The following NUAK2 variants were observed in gnomAD, a reference collection of about 807,000 sequenced individuals.
NUAK2 encodes NUAK family kinase 2.
NUAK2 carries 20 observed loss-of-function variants against 29.8 expected under a neutral mutation model. The observed-to-expected ratio is 0.67, with a 90% confidence interval of 0.47 to 0.98. The LOEUF (loss-of-function observed/expected upper bound fraction) is 0.98. Among genes scored for constraint, NUAK2 ranks in the 50% least tolerant of loss-of-function variants. The pLI, the probability that NUAK2 is intolerant of heterozygous loss-of-function variation, is 0.00. For missense variants in NUAK2, 719 were observed against 834.5 expected (o/e 0.86, Z 1.71); for synonymous variants, 331 against 342.6 (o/e 0.97, Z 0.37).
In NUAK2 at chr1:205,302,377, G is replaced by C. The variant is rs1329822214; in HGVS notation, c.*1073C>G. On this transcript the variant is annotated 3_prime_UTR_variant, in exon 7 of 7. Transcript: ENST00000367157. The stretch of plus-strand genomic sequence containing the variant: ...GAACACATCCATAGTCTGGACTTTA[G>C]AGCAGCTTAGAGGCAGAAGTTCTGA... 6.6e-6 allele frequency: 1 copy of C among 152,638 alleles called. No individual in the cohort carries two copies. The highest frequency in any genetic ancestry group is 1.5e-5 in the Non-Finnish European group (1 of 68,072). The allele number at this position is 152,638 out of a possible 1,614,324, so 9.5% of individuals were successfully genotyped here. A position where few individuals can be genotyped will look rare whatever the true frequency, so the allele number is the denominator to read the frequency against.
intron 4 of NUAK2, among the ~76,000 whole-genome samples, chr1:205,307,849 C>A (rs947717377): frequency 4.6e-5 from 7 of 152,234 alleles, no homozygotes; most frequent in Non-Finnish European, 1.0e-4. Flanking sequence ...GACCTTAGAT[C>A]TAGACTCCTG....
At chr1:205,317,594 C>T (rs1452675691) in intron 1 of NUAK2, among the ~76,000 whole-genome samples, 1 of 152,204 alleles carries the variant, frequency 6.6e-6, no homozygotes, top group Non-Finnish European at 1.5e-5. Flanking sequence ...TGCCATCCTC[C>T]AGCCCCCTCT....
intron 4 of NUAK2, among the ~76,000 whole-genome samples, chr1:205,306,981 C>T (rs1662190561): frequency 6.6e-6 from 1 of 152,198 alleles, no homozygotes; most frequent in Non-Finnish European, 1.5e-5. Context: ...AACCTGGGGT[C>T]AGCCCAATAT....
rs571070763 is a variant in NUAK2, at chr1:205,304,229, G to A, written c.1108C>T (p.Arg370Cys). 17 of 1,614,188 alleles carry A rather than the reference G, an allele frequency of 1.1e-5. No homozygotes were observed. Among genetic ancestry groups the A allele is most frequent in the South Asian group, 9.9e-5 (9 of 91,088 alleles). The change falls in exon 7 of 7, where the codon CGC becomes TGC. Residue 370 changes from arginine (R) to cysteine (C), a missense_variant. Around this residue, in one of 3 missense-constraint regions of NUAK2, gnomAD observed 430 missense variants for 465.7 expected, o/e 0.92. Coordinates refer to ENST00000367157, the MANE Select transcript of NUAK2 (RefSeq NM_030952.3). The surrounding 1 kb of genome is among the most constrained non-coding windows in gnomAD (Gnocchi z 6.5). ...CGGGACTTCTTGAGCGAATGCTGGC[G>A]CTCCAGGCCAGGGGTGGTGCTTCCC... ...GGGSTTPGLE[R>C]QHSLKKSRKE...
Position 205,308,664 on chromosome 1 carries a change from T to C in NUAK2, c.421A>G (p.Ile141Val). Residue 141 changes from isoleucine (I) to valine (V), a missense_variant, in exon 3 of 7, where the codon ATC becomes GTC. By Grantham distance (29) the Ile-to-Val change is conservative. Transcript: ENST00000367157. The surrounding 1 kb of genome is among the most constrained non-coding windows in gnomAD (Gnocchi z 4.1). Reference protein sequence around the residue: ...YASRGDLYDYISERQQLSERE... With the variant: ...YASRGDLYDYVSERQQLSERE... ...TCACTGAGCTGCTGCCGCTCGCTGATGTAGTCATAAAGGTCGCCCCGGCTG... is the reference window on the plus strand; with the variant it reads ...TCACTGAGCTGCTGCCGCTCGCTGACGTAGTCATAAAGGTCGCCCCGGCTG... 6.2e-7 allele frequency: 1 copy of C among 1,614,102 alleles called. No individual in the cohort carries two copies.
intron 1 of NUAK2, 143 bp from the exon 2 acceptor site, chr1:205,311,968 T>C (rs1662263937): frequency 2.8e-6 from 3 of 1,065,150 alleles, no homozygotes. Flanking sequence ...CCAGTGTAGG[T>C]GGCAGAGAGG....
Position 205,311,738 on chromosome 1 carries a change from G to C in NUAK2, c.319C>G (p.Leu107Val). ...ATGGCAATGATGTGAGGGTGGTTGA[G>C]TGATGACATGATCTCAATCTCCCTC... ...IRREIEIMSSLNHPHIIAIHE... is the reference protein window; with the variant it reads ...IRREIEIMSSVNHPHIIAIHE... The change falls in exon 2 of 7, where the codon CTC becomes GTC. Residue 107 changes from leucine to valine, a missense_variant. Physicochemically the swap from Leu to Val is conservative, Grantham distance 32. This residue lies in a region of NUAK2 where 283 missense variants were observed against 345.6 expected (regional missense o/e 0.82). Transcript: ENST00000367157. The C allele has an allele frequency of 6.2e-7, 1 of 1,614,202 alleles. No homozygotes were observed.
Position 205,304,239 on chromosome 1 carries a change from A to C in NUAK2, c.1098T>G (p.Pro366=). 2 of 1,614,158 alleles carry C rather than the reference A, an allele frequency of 1.2e-6. No individual in the cohort carries two copies. Among genetic ancestry groups the C allele is most frequent in the Non-Finnish European group, 1.7e-6 (2 of 1,180,028 alleles). ...QHAPGGGSTT[P]GLERQHSLKK... The stretch of plus-strand genomic sequence containing the variant: ...TGAGCGAATGCTGGCGCTCCAGGCC[A>C]GGGGTGGTGCTTCCCCCACCAGGTG... Residue 366 remains proline (P), a synonymous_variant, in exon 7 of 7, where the codon CCT becomes CCG. Coordinates refer to ENST00000367157, the MANE Select transcript of NUAK2 (RefSeq NM_030952.3). This position sits in a 1 kb window ranked among gnomAD's most constrained non-coding sequence, Gnocchi z 6.5.
chr1:205,314,893 G>T (rs1662305414), intron 1 of NUAK2, among the ~76,000 whole-genome samples: 2 of 152,102 alleles, frequency 1.3e-5, no homozygotes, highest in South Asian at 4.1e-4. Context: ...TAAAATAAAT[G>T]AGGTTCCAAA....
At chr1:205,312,333 C>T (rs1378026131) in intron 1 of NUAK2, among the ~76,000 whole-genome samples, 1 of 152,120 alleles carries the variant, frequency 6.6e-6, no homozygotes, top group Non-Finnish European at 1.5e-5. Context: ...GAAACTGGGA[C>T]CCAGAGAGGT....
At chr1:205,306,721 C>G (rs984223114) in intron 4 of NUAK2, among the ~76,000 whole-genome samples, 5 of 152,194 alleles carry the variant, frequency 3.3e-5, no homozygotes, top group African/African-American at 1.2e-4. Flanking sequence ...CACTCCCATG[C>G]TGACCTCCTT....
Position 205,321,602 on chromosome 1 carries a change from G to A in NUAK2, c.27C>T (p.Arg9=), listed in dbSNP as rs372039606. 32 of 1,611,588 alleles carry A rather than the reference G, an allele frequency of 2.0e-5. No homozygotes were observed. The African/African-American group carries it at 3.6e-4, about 18-fold the overall frequency. MESLVFAR[R]SGPTPSAAEL... ...CTGCGGCCGAGGGAGTGGGGCCGGA[G>A]CGCCGCGCGAAAACCAGCGACTCCA... Residue 9 remains arginine, a synonymous_variant, in exon 1 of 7, where the codon CGC becomes CGT. Transcript: ENST00000367157.
Position 205,308,594 on chromosome 1 carries a change from T to A in NUAK2, c.491A>T (p.His164Leu), listed in dbSNP as rs756261319. The change falls in exon 3 of 7, where the codon CAC becomes CTC. Residue 164 changes from histidine to leucine, a missense_variant. His to Leu is a moderately conservative substitution (Grantham distance 99). Transcript: ENST00000367157. This position sits in a 1 kb window ranked among gnomAD's most constrained non-coding sequence, Gnocchi z 4.1. ...HFFRQIVSAV[H>L]YCHQNRVVHR... ...GTAGGTGCTCACCTGATGGCAATAG[T>A]GCACGGCAGAGACGATCTGCCGGAA... The A allele has an allele frequency of 1.8e-5, 29 of 1,613,860 alleles. No homozygotes were observed. The highest frequency in any genetic ancestry group is 2.4e-5 in the Non-Finnish European group (28 of 1,179,892).
In NUAK2 at chr1:205,311,692, G is replaced by A. The variant is rs745789318; in HGVS notation, c.352+13C>T. On this transcript the variant is annotated intron_variant, in intron 2 of 6. Transcript: ENST00000367157. The stretch of plus-strand genomic sequence containing the variant: ...ATAGACCCCCAAGTTCCAGCTTTAA[G>A]TGCCCACTGTACCTTCATGGATGGC... 1 of 1,613,904 alleles carries A rather than the reference G, an allele frequency of 6.2e-7. No individual in the cohort carries two copies. Among genetic ancestry groups the A allele is most frequent in the Admixed American group, 1.7e-5 (1 of 60,020 alleles).
chr1:205,316,728 G>T (rs1207175329), intron 1 of NUAK2, among the ~76,000 whole-genome samples: 2 of 152,208 alleles, frequency 1.3e-5, no homozygotes, highest in African/African-American at 4.8e-5. Context: ...TGCCAGGAAG[G>T]TGCTAGCCAA....
chr1:205,310,291 G>C (rs923772309), intron 2 of NUAK2, among the ~76,000 whole-genome samples: 2 of 152,188 alleles, frequency 1.3e-5, no homozygotes, highest in African/African-American at 4.8e-5. Flanking sequence ...CTGCAAGGGT[G>C]CATGCAGCCT....
At position 205,311,764 on chromosome 1, in the gene NUAK2, C is replaced by A. The variant is rs140977993; in HGVS notation, c.293G>T (p.Arg98Leu). ...TGATGACATGATCTCAATCTCCCTCCGTATGTGCATCAGATCTTGCTCATC... is the reference window on the plus strand; with the variant it reads ...TGATGACATGATCTCAATCTCCCTCAGTATGTGCATCAGATCTTGCTCATC... ...IKDEQDLMHI[R>L]REIEIMSSLN... Residue 98 changes from arginine to leucine, a missense_variant, in exon 2 of 7, where the codon CGG (arginine) becomes CTG (leucine). Arg to Leu is a moderately radical substitution (Grantham distance 102, BLOSUM62 -2). Around this residue, in one of 3 missense-constraint regions of NUAK2, gnomAD observed 283 missense variants for 345.6 expected, o/e 0.82. Coordinates refer to ENST00000367157, the MANE Select transcript of NUAK2 (RefSeq NM_030952.3). 2 of 1,614,138 alleles carry A rather than the reference C, an allele frequency of 1.2e-6. No homozygotes were observed. The highest frequency in any genetic ancestry group is 1.1e-5 in the South Asian group (1 of 91,078).
intron 1 of NUAK2, 44 bp downstream of exon 1, chr1:205,321,354 C>T (rs1044246566): frequency 1.9e-6 from 3 of 1,543,100 alleles, no homozygotes; most frequent in African/African-American, 1.4e-5. Context: ...TGCCGGCGGC[C>T]AAGCCGGAGC....
At chr1:205,321,338 G>T in intron 1 of NUAK2, 60 bp downstream of exon 1, 2 of 1,453,508 alleles carry the variant, frequency 1.4e-6, no homozygotes, top group Non-Finnish European at 1.8e-6. Context: ...GCCCTCCTCC[G>T]CTCCCTGCCG....
Sources: allele counts gnomAD v4.1 joint callset (sites outside exome capture counted in the v4.1 genomes callset), GRCh38; gene constraint gnomAD v4.1.1; regional missense constraint gnomAD v4.1.1; non-coding constraint Gnocchi (gnomAD v3.1); transcripts MANE v1.5; gene names NCBI Gene and HGNC (gene_info 2026-07-23, HGNC 2026-07-21).